CLN3: variants seen among roughly 807,000 people sequenced by gnomAD.
CLN3 encodes battenin.
In CLN3, 49 loss-of-function variants were observed where a neutral mutation model predicts 60.7. The ratio of observed to expected loss-of-function variants is 0.81; its 90% CI spans 0.64 to 1.02. The LOEUF (loss-of-function observed/expected upper bound fraction) is 1.02. Among genes scored for constraint, CLN3 ranks in the 50% least tolerant of loss-of-function variants. The probability of loss-of-function intolerance (pLI) is 0.00; values close to 1 mark genes in which losing one functional copy is unlikely to be tolerated. For missense variants in CLN3, 516 were observed against 557.4 expected (o/e 0.93, Z 0.75); for synonymous variants, 256 against 245.8 (o/e 1.04, Z -0.39).
chr16:28,470,544 G>T (rs2045939877), downstream of CLN3: 1 of 191,618 alleles, frequency 5.2e-6, no homozygotes, highest in African/African-American at 7.4e-5. Context: ...TCTGAGTTGG[G>T]GCGGGGGAGG....
At chr16:28,485,660 G>A (rs1360971883) in intron 9 of CLN3, among the ~76,000 whole-genome samples, 5 of 131,136 alleles carry the variant, frequency 3.8e-5, no homozygotes, top group African/African-American at 1.5e-4. Flanking sequence ...CTACACATTC[G>A]AGGCCAACCT....
In CLN3 at chr16:28,478,879, A is replaced by G. The variant is rs186782302; in HGVS notation, c.1057-1002T>C. 8.5e-3 allele frequency among the ~76,000 whole-genome samples: 1,232 copies of G among 144,808 alleles called. 15 individuals carry two copies. Among genetic ancestry groups the G allele is most frequent in the African/African-American group, 0.029 (1,071 of 37,154 alleles). The allele number at this position is 144,808 out of a possible 152,430, so 95.0% of individuals were successfully genotyped here. A position where few individuals can be genotyped will look rare whatever the true frequency, so the allele number is the denominator to read the frequency against. On this transcript the variant is annotated intron_variant, in intron 14 of 15. Transcript: ENST00000636147. ...TCCGCTGGGCAGCAAAATTGCCCCT[A>G]TTGGAAAAACCGTTGGTTCACTATG...
In CLN3 at chr16:28,477,320, A is replaced by G; in HGVS notation, c.*196T>C. The G allele has an allele frequency of 3.0e-6, 2 of 669,008 alleles. No homozygotes were observed. The highest frequency in any genetic ancestry group is 5.2e-6 in the Non-Finnish European group (2 of 387,764). The allele number at this position is 669,008 out of a possible 1,614,324, so 41.4% of individuals were successfully genotyped here. A position where few individuals can be genotyped will look rare whatever the true frequency, so the allele number is the denominator to read the frequency against. On this transcript the variant is annotated 3_prime_UTR_variant, in exon 16 of 16. Coordinates refer to ENST00000636147, the MANE Select transcript of CLN3 (RefSeq NM_001042432.2). ...GCATTTATTCAGAAGGCATGATGCC[A>G]GGAAGAAACTCCCCAAGTGGGAGAC...
downstream of CLN3, among the ~76,000 whole-genome samples, chr16:28,472,027 C>T (rs1596615800): frequency 1.3e-5 from 2 of 151,534 alleles, no homozygotes; most frequent in Admixed American, 6.6e-5. Flanking sequence ...GAGACTCCGT[C>T]TCCAAAAAAA....
chr16:28,489,138 G>C, intron 4 of CLN3, 152 bp downstream of exon 4: 2 of 700,894 alleles, frequency 2.9e-6, no homozygotes, highest in Non-Finnish European at 5.3e-6. Context: ...CTGACTTCAA[G>C]TGATCCGCCC....
downstream of CLN3, among the ~76,000 whole-genome samples, chr16:28,474,842 G>C (rs975052708): frequency 2.0e-5 from 3 of 152,132 alleles, no homozygotes; most frequent in Non-Finnish European, 4.4e-5. Flanking sequence ...TGGCTCATGG[G>C]TAATAATCCC....
downstream of CLN3, among the ~76,000 whole-genome samples, chr16:28,473,667 T>C (rs2045969556): frequency 6.6e-6 from 1 of 152,176 alleles, no homozygotes; most frequent in South Asian, 2.1e-4. Flanking sequence ...GAGAAAATAT[T>C]TGCAAATCAT....
chr16:28,487,926 T>C (rs1442829485), intron 5 of CLN3, 185 bp from the exon 6 acceptor site: 1 of 614,790 alleles, frequency 1.6e-6, no homozygotes, highest in Non-Finnish European at 2.9e-6. Context: ...GTTTATACTC[T>C]CTGAGCTTCA....
Position 28,486,604 on chromosome 16 carries a change from G to A in CLN3, c.507C>T (p.Phe169=). The stretch of plus-strand genomic sequence containing the variant: ...TGGGGTAGAAGGCAGTGAGGGAGAG[G>A]AAGGTGACCTCCCCAAGGCCTGATG... ...SISSGLGEVT[F]LSLTAFYPRA... The change falls in exon 8 of 16, where the codon TTC becomes TTT. Residue 169 remains phenylalanine, a synonymous_variant. Transcript: ENST00000636147. The A allele has an allele frequency of 6.2e-7, 1 of 1,611,484 alleles. No individual in the cohort carries two copies. The highest frequency in any genetic ancestry group is 8.5e-7 in the Non-Finnish European group (1 of 1,178,904).
At chr16:28,472,800 CAAAAAAAAAAAA>C (rs34795595), downstream of CLN3, among the ~76,000 whole-genome samples, 5 of 85,042 alleles carry the variant, frequency 5.9e-5, no homozygotes, top group African/African-American at 9.7e-5. Flanking sequence ...AACTCTGTTT[CAAAAAAAAAAAA>C]AAAAAAAAAG....
intron 15 of CLN3, 46 bp downstream of exon 15, chr16:28,477,691 T>A: frequency 6.2e-7 from 1 of 1,614,048 alleles, no homozygotes; most frequent in Non-Finnish European, 8.5e-7. Flanking sequence ...CTGCCCTGGG[T>A]GTCCCTGGAC....
In CLN3 at chr16:28,491,507, G is replaced by A. The variant is rs1245582061; in HGVS notation, c.100C>T (p.His34Tyr). The A allele has an allele frequency of 6.2e-7, 1 of 1,613,770 alleles. No homozygotes were observed. The highest frequency in any genetic ancestry group is 2.2e-5 in the East Asian group (1 of 44,894). Residue 34 changes from histidine to tyrosine, a missense_variant, in exon 3 of 16, where the codon CAT becomes TAT. By Grantham distance (83) the His-to-Tyr change is moderately conservative. Coordinates refer to ENST00000636147, the MANE Select transcript of CLN3 (RefSeq NM_001042432.2). ...CAGAAGCCCACCGCGTTCTTCCAAT[G>A]CGCGCCCTGATGGTCCAACAGAGGG... ...RLPLLDHQGA[H>Y]WKNAVGFWLL...
At chr16:28,469,534 G>T (rs1274267074), downstream of CLN3, among the ~76,000 whole-genome samples, 1 of 148,670 alleles carries the variant, frequency 6.7e-6, no homozygotes, top group Non-Finnish European at 1.5e-5. Flanking sequence ...GGAAGCAGAG[G>T]TTGCGGTGAG....
downstream of CLN3, chr16:28,477,267 C>T (rs149781274): frequency 2.3e-5 from 13 of 555,952 alleles, 1 homozygote; most frequent in Middle Eastern, 1.0e-3. Flanking sequence ...GAGACAAAAA[C>T]GATATAAGAA....
At chr16:28,470,028 T>A (rs1400753068), downstream of CLN3, among the ~76,000 whole-genome samples, 1 of 146,008 alleles carries the variant, frequency 6.8e-6, no homozygotes, top group Non-Finnish European at 1.5e-5. Context: ...GACATTTCAC[T>A]TTGTTTTGGT....
rs1004740919 is a variant in CLN3 at position 28,491,523 on chromosome 16, C to T, written c.84G>A (p.Leu28=). 5.6e-6 allele frequency: 9 copies of T among 1,613,938 alleles called. No homozygotes were observed. In the African/African-American group the frequency reaches 1.2e-4, roughly 22 times the overall value. Residue 28 remains leucine (L), a synonymous_variant, in exon 3 of 16, where the codon TTG becomes TTA. Coordinates refer to ENST00000636147, the MANE Select transcript of CLN3 (RefSeq NM_001042432.2). ...TCTTCCAATGCGCGCCCTGATGGTC[C>T]AACAGAGGGAGCCGGGGCTCCGGGA... ...ETVPEPRLPL[L]DHQGAHWKNA...
rs386833709 is a variant in CLN3 at position 28,489,298 on chromosome 16, G to A, written c.214C>T (p.Gln72Ter). ...ILSHKRTSGN[Q>*]SHVDPGPTPI... Reference sequence around the variant, plus strand: ...GGTAGAGAGTCACTTACATGGCTCTGGTTTCCCGATGTCCTCTTGTGGCTA... The same window carrying A: ...GGTAGAGAGTCACTTACATGGCTCTAGTTTCCCGATGTCCTCTTGTGGCTA... The change falls in exon 4 of 16, where the codon CAG becomes TAG. Residue 72 changes from glutamine to a stop codon, truncating the protein, a stop_gained. Coordinates refer to ENST00000636147, the MANE Select transcript of CLN3 (RefSeq NM_001042432.2). LOFTEE classifies it high-confidence loss of function. The A allele has an allele frequency of 1.9e-6, 3 of 1,611,996 alleles. No homozygotes were observed. Among genetic ancestry groups the A allele is most frequent in the Non-Finnish European group, 2.5e-6 (3 of 1,178,906 alleles).
chr16:28,487,692 G>C lies in CLN3; in HGVS notation c.344C>G (p.Ala115Gly). Reference sequence around the variant, plus strand: ...GGGCAGCAGGTGAAGGCCAAGAGGAGCCAACAATTTGATGACGAGTGTGGG... The same window carrying C: ...GGGCAGCAGGTGAAGGCCAAGAGGACCCAACAATTTGATGACGAGTGTGGG... ...ILPTLVIKLL[A>G]PLGLHLLPYS... Residue 115 changes from alanine to glycine, a missense_variant, in exon 6 of 16, where the codon GCT (alanine) becomes GGT (glycine). Coordinates refer to ENST00000636147, the MANE Select transcript of CLN3 (RefSeq NM_001042432.2). 6.2e-7 allele frequency: 1 copy of C among 1,614,014 alleles called. No individual in the cohort carries two copies. The highest frequency in any genetic ancestry group is 8.5e-7 in the Non-Finnish European group (1 of 1,179,946).
At chr16:28,484,223 T>G in intron 9 of CLN3, 105 bp from the exon 10 acceptor site, 1 of 788,460 alleles carries the variant, frequency 1.3e-6, no homozygotes, top group Non-Finnish European at 2.2e-6. Context: ...CTTTGAACAC[T>G]TTCAAAGATG....
Sources: gnomAD v4.1 joint callset for allele counts (sites outside exome capture counted in the v4.1 genomes callset) on GRCh38, gnomAD v4.1.1 for gene constraint, MANE v1.5 for transcripts, NCBI Gene and HGNC (gene_info 2026-07-23, HGNC 2026-07-21) for gene names.